Variants in MGRN1 observed in about 807,000 individuals in gnomAD.
MGRN1 encodes E3 ubiquitin-protein ligase MGRN1.
Under a neutral mutation model 69.2 loss-of-function variants are expected in MGRN1, and 29 were observed. That is an observed-to-expected ratio of 0.42 (90% CI 0.31 to 0.57). The LOEUF is 0.57. Ranked by LOEUF, MGRN1 falls within the 20% of genes least tolerant of loss-of-function variation. The pLI is 0.15. For synonymous variants in MGRN1, 470 were observed against 344.2 expected, an observed-to-expected ratio of 1.37 and a Z score of -4.04; for missense variants, 998 against 796.2, an observed-to-expected ratio of 1.25 and a Z score of -3.05.
At chr16:4,636,403 G>C (rs556862294) in intron 1 of MGRN1, among the ~76,000 whole-genome samples, 1 of 152,128 alleles carries the variant, frequency 6.6e-6, no homozygotes, top group Admixed American at 6.5e-5. Context: ...GTGATCTGGC[G>C]TCTGCTGTGG....
Position 4,686,764 on chromosome 16 carries a change from C to T in MGRN1, c.1619-2032C>T, listed in dbSNP as rs1165900512. The T allele has an allele frequency of 7.0e-6, 7 of 995,506 alleles. No individual in the cohort carries two copies. In the African/African-American group the frequency reaches 8.7e-5, roughly 12 times the overall value. 61.7% of individuals were successfully genotyped at this position (995,506 alleles called of 1,614,324 possible). On this transcript the variant is annotated intron_variant, in intron 16 of 16. Coordinates refer to ENST00000262370, the MANE Select transcript of MGRN1 (RefSeq NM_015246.4). ...CTGGCCTTGTTCCGGATGGTCCCACCATGAGTTCGCATCGGTCCTGCAGCA... is the reference window on the plus strand; with the variant it reads ...CTGGCCTTGTTCCGGATGGTCCCACTATGAGTTCGCATCGGTCCTGCAGCA...
Position 4,688,949 on chromosome 16 carries a change from A to G in MGRN1, c.*41A>G, listed in dbSNP as rs1353429333. The G allele has an allele frequency of 2.0e-6, 3 of 1,510,894 alleles. No homozygotes were observed. The South Asian group carries it at 3.7e-5, about 18-fold the overall frequency. 93.6% of individuals were successfully genotyped at this position (1,510,894 alleles called of 1,614,324 possible). A position where few individuals can be genotyped will look rare whatever the true frequency, so the allele number is the denominator to read the frequency against. On this transcript the variant is annotated 3_prime_UTR_variant, in exon 17 of 17. Coordinates refer to ENST00000262370, the MANE Select transcript of MGRN1 (RefSeq NM_015246.4). ...GGCAGCATGGAGCCCTCGGCTCCCC[A>G]GACTTTGCCGAGGGGCTGCTCCGGA...
intron 1 of MGRN1, among the ~76,000 whole-genome samples, chr16:4,641,240 C>T (rs1430297595): frequency 1.3e-5 from 2 of 152,264 alleles, no homozygotes; most frequent in African/African-American, 4.8e-5. Flanking sequence ...CCGCCCCTAA[C>T]ACTTCCCCAG....
chr16:4,673,366 C>T (rs2078983790), intron 9 of MGRN1, 132 bp from the exon 10 acceptor site: 2 of 1,217,784 alleles, frequency 1.6e-6, no homozygotes, highest in South Asian at 2.9e-5. Flanking sequence ...CCTCCCCCTC[C>T]CCTCTGGACT....
chr16:4,659,628 G>A (rs1228657806), intron 5 of MGRN1, among the ~76,000 whole-genome samples: 2 of 152,274 alleles, frequency 1.3e-5, no homozygotes, highest in African/African-American at 2.4e-5. Flanking sequence ...GAGGGCCCGC[G>A]TGCAGCATAG....
At chr16:4,668,439 A>G (rs1347114759) in intron 8 of MGRN1, 127 bp downstream of exon 8, 7 of 918,194 alleles carry the variant, frequency 7.6e-6, no homozygotes, top group Admixed American at 4.7e-5. Context: ...GCTCATACAC[A>G]CTCATACACA....
rs1051177922 is a variant in MGRN1 at position 4,681,886 on chromosome 16, C to T, written c.1358+110C>T. On this transcript the variant is annotated intron_variant, in intron 13 of 16. Coordinates refer to ENST00000262370, the MANE Select transcript of MGRN1 (RefSeq NM_015246.4). ...TGTGATGTGTTCTGTGTGGCGATTC[C>T]CCAGAAGGACTCGGAGACCCCGTAT... 4 of 1,119,176 alleles carry T rather than the reference C, an allele frequency of 3.6e-6. No individual in the cohort carries two copies. The African/African-American group carries it at 6.3e-5, about 18-fold the overall frequency. 69.3% of individuals were successfully genotyped at this position (1,119,176 alleles called of 1,614,324 possible). A position where few individuals can be genotyped will look rare whatever the true frequency, so the allele number is the denominator to read the frequency against.
intron 1 of MGRN1, among the ~76,000 whole-genome samples, chr16:4,638,092 C>T (rs1022179458): frequency 1.3e-5 from 2 of 152,134 alleles, no homozygotes; most frequent in African/African-American, 2.4e-5. Flanking sequence ...TCACACCTGC[C>T]GGAGGCTCCT....
intron 5 of MGRN1, chr16:4,664,440 G>T: frequency 2.0e-6 from 1 of 500,960 alleles, no homozygotes; most frequent in Non-Finnish European, 3.6e-6. Context: ...AATGGATGGT[G>T]GCGGTTGCAT....
rs567276557 is a variant in MGRN1, at chr16:4,671,457, A to G, written c.793A>G (p.Lys265Glu). The G allele has an allele frequency of 4.2e-5, 68 of 1,613,980 alleles. No homozygotes were observed. In the South Asian group the frequency reaches 6.6e-4, roughly 16 times the overall value. The part of the protein sequence containing the change: ...GIENKNNQET[K>E]PSDDENSDNS... ...TGAGAACAAGAACAACCAGGAGACC[A>G]AGGTGTGTATCTGGGTGAGGTTTCC... Residue 265 changes from lysine (K) to glutamate (E), a missense_variant and splice_region_variant, in exon 9 of 17, where the codon AAG becomes GAG. Lys to Glu is a moderately conservative substitution (Grantham distance 56, BLOSUM62 1). Coordinates refer to ENST00000262370, the MANE Select transcript of MGRN1 (RefSeq NM_015246.4).
At chr16:4,685,864 G>T (rs2079300779) in intron 16 of MGRN1, among the ~76,000 whole-genome samples, 2 of 152,192 alleles carry the variant, frequency 1.3e-5, no homozygotes, top group Non-Finnish European at 2.9e-5. Context: ...CCTGTAGATG[G>T]GAGGGCCCAT....
intron 1 of MGRN1, among the ~76,000 whole-genome samples, chr16:4,637,582 A>G (rs1290381862): frequency 6.6e-6 from 1 of 152,338 alleles, no homozygotes; most frequent in African/African-American, 2.4e-5. Flanking sequence ...AATGGAGTGT[A>G]TTGAAGGCTC....
At chr16:4,659,679 A>G (rs2078632181) in intron 5 of MGRN1, among the ~76,000 whole-genome samples, 2 of 152,392 alleles carry the variant, frequency 1.3e-5, no homozygotes, top group African/African-American at 4.8e-5. Flanking sequence ...GTTGGCGCAC[A>G]TAAGGGGCAG....
chr16:4,668,727 CAT>C (rs374369495), intron 8 of MGRN1, among the ~76,000 whole-genome samples: 5,039 of 151,664 alleles, frequency 0.033, 131 homozygotes, highest in African/African-American at 0.067. Flanking sequence ...CTCACATATA[CAT>C]AGACACATAC....
At chr16:4,675,863 C>T (rs553889268) in intron 10 of MGRN1, among the ~76,000 whole-genome samples, 4 of 152,302 alleles carry the variant, frequency 2.6e-5, no homozygotes, top group East Asian at 3.9e-4. Context: ...CGTAGGGCCC[C>T]GTTCTGAGTG....
At chr16:4,640,456 G>A (rs2078133937) in intron 1 of MGRN1, 3 of 152,254 alleles carry the variant, frequency 2.0e-5, no homozygotes, top group Admixed American at 6.5e-5. Flanking sequence ...CAGGTTGCCC[G>A]GACACCTGCA....
rs998971310 is a variant in MGRN1, at chr16:4,688,797, A to G, written c.1620A>G (p.Gly540=). Residue 540 remains glycine (G), a splice_region_variant and synonymous_variant, in exon 17 of 17, where the codon GGA becomes GGG. Transcript: ENST00000262370. ...RGPPADIYLP[G]RPTSMETAHG... ...TCCTCCCTCTGCTCCCACCTGCAGG[A>G]CGGCCCACCTCCATGGAGACGGCCC... 2.6e-6 allele frequency: 4 copies of G among 1,544,956 alleles called. No homozygotes were observed. Among genetic ancestry groups the G allele is most frequent in the East Asian group, 4.9e-5 (2 of 40,806 alleles).
chr16:4,651,943 C>T lies in MGRN1; in HGVS notation c.208-20C>T, dbSNP rs1366225901. ...CTGCTCCTGAGGGAGTCACCTGGGGCCCTGTGGTTTTTCTCCTAGTTTCCC... is the reference window on the plus strand; with the variant it reads ...CTGCTCCTGAGGGAGTCACCTGGGGTCCTGTGGTTTTTCTCCTAGTTTCCC... On this transcript the variant is annotated intron_variant, in intron 2 of 16. Transcript: ENST00000262370. 1.9e-6 allele frequency: 3 copies of T among 1,611,990 alleles called. No homozygotes were observed. In the South Asian group the frequency reaches 3.3e-5, roughly 18 times the overall value.
Position 4,645,831 on chromosome 16 carries a change from G to A in MGRN1, c.89-4534G>A, listed in dbSNP as rs115118939. Among the ~76,000 whole-genome samples the A allele has an allele frequency of 9.7e-3, 1,483 of 152,240 alleles. 24 individuals are homozygous for A. The highest frequency in any genetic ancestry group is 0.034 in the African/African-American group (1,416 of 41,550). ...ACGCCAGCAGAGTTTTGAGGGCAGTGGGTCCAGAAACAACAGACCTGGGGA... is the reference window on the plus strand; with the variant it reads ...ACGCCAGCAGAGTTTTGAGGGCAGTAGGTCCAGAAACAACAGACCTGGGGA... On this transcript the variant is annotated intron_variant, in intron 1 of 16. Coordinates refer to ENST00000262370, the MANE Select transcript of MGRN1 (RefSeq NM_015246.4).
Sources: allele counts gnomAD v4.1 joint callset (sites outside exome capture counted in the v4.1 genomes callset), GRCh38; gene constraint gnomAD v4.1.1; transcripts MANE v1.5; gene names NCBI Gene and HGNC (gene_info 2026-07-23, HGNC 2026-07-21).